HDAC9: variants seen among roughly 807,000 people sequenced by gnomAD.
HDAC9 encodes MEF-2 interacting transcription repressor (MITR) protein.
In HDAC9, 41 loss-of-function variants were observed where a neutral mutation model predicts 139.4. The ratio of observed to expected loss-of-function variants is 0.29; its 90% CI spans 0.23 to 0.38. HDAC9 has a LOEUF of 0.38. Among genes scored for constraint, HDAC9 ranks in the 10% least tolerant of loss-of-function variants. The pLI is 1.00. For missense variants in HDAC9, 1,147 were observed against 1,297.0 expected (o/e 0.88, Z 1.78); for synonymous variants, 517 against 476.2 (o/e 1.09, Z -1.12).
intron 1 of HDAC9, among the ~76,000 whole-genome samples, chr7:18,355,473 TA>T (rs1783183474): frequency 6.6e-6 from 1 of 152,166 alleles, no homozygotes; most frequent in Non-Finnish European, 1.5e-5. Flanking sequence ...AAAATTCTGT[TA>T]AAAATGGGTT....
At chr7:18,282,209 C>G (rs1298413041) in intron 2 of HDAC9, among the ~76,000 whole-genome samples, 1 of 152,146 alleles carries the variant, frequency 6.6e-6, no homozygotes, top group African/African-American at 2.4e-5. Context: ...TTTTGACTGT[C>G]TACAATGTGT....
At chr7:18,707,483 A>G (rs1419282681) in intron 12 of HDAC9, among the ~76,000 whole-genome samples, 1 of 152,206 alleles carries the variant, frequency 6.6e-6, no homozygotes, top group East Asian at 1.9e-4. Context: ...AATATTTATA[A>G]ATATATGCAG....
At chr7:18,323,759 C>A (rs1047914011) in intron 1 of HDAC9, among the ~76,000 whole-genome samples, 3 of 152,162 alleles carry the variant, frequency 2.0e-5, no homozygotes, top group African/African-American at 7.2e-5. Flanking sequence ...TGGGGAATCT[C>A]AGGAAAAGTC....
chr7:18,835,442 G>A (rs370532411), intron 19 of HDAC9, 25 bp from the exon 20 acceptor site: 7 of 1,603,604 alleles, frequency 4.4e-6, no homozygotes, highest in Non-Finnish European at 6.0e-6. Context: ...GACTGTATTT[G>A]TCGTCTGTTT....
At chr7:18,737,503 T>C (rs1237306112) in intron 13 of HDAC9, among the ~76,000 whole-genome samples, 1 of 152,222 alleles carries the variant, frequency 6.6e-6, no homozygotes, top group Non-Finnish European at 1.5e-5. Context: ...CCAGTAGTCA[T>C]TCAGGAGCAG....
At chr7:18,971,260 A>G (rs1784227171) in intron 24 of HDAC9, among the ~76,000 whole-genome samples, 1 of 152,254 alleles carries the variant, frequency 6.6e-6, no homozygotes, top group African/African-American at 2.4e-5. Context: ...GACAATTTAC[A>G]TAGTGGGAAA....
intron 2 of HDAC9, among the ~76,000 whole-genome samples, chr7:18,541,321 C>T (rs936399356): frequency 5.9e-5 from 9 of 151,748 alleles, no homozygotes; most frequent in Admixed American, 2.0e-4. Flanking sequence ...CTTGGCAGCC[C>T]GGTGTGCCAG....
intron 12 of HDAC9, among the ~76,000 whole-genome samples, chr7:18,713,452 G>C (rs549280319): frequency 2.0e-4 from 31 of 152,210 alleles, no homozygotes; most frequent in African/African-American, 5.8e-4. Context: ...ATGTTAATTA[G>C]ATTGATTTAG....
chr7:18,857,113 A>G (rs1408078244), intron 21 of HDAC9, among the ~76,000 whole-genome samples: 1 of 151,928 alleles, frequency 6.6e-6, no homozygotes, highest in African/African-American at 2.4e-5. Flanking sequence ...TCTATGTGTC[A>G]TAGTTTTGGT....
chr7:18,501,182 C>T (rs1214908506), intron 2 of HDAC9, among the ~76,000 whole-genome samples: 2 of 151,880 alleles, frequency 1.3e-5, no homozygotes, highest in Admixed American at 6.6e-5. Flanking sequence ...ATCAAAGTAA[C>T]GAGGGAACAC....
chr7:18,205,544 C>T (rs1212102217), intron 2 of HDAC9, among the ~76,000 whole-genome samples: 4 of 151,870 alleles, frequency 2.6e-5, no homozygotes, highest in Admixed American at 6.6e-5. Context: ...CTGATAGCAC[C>T]GAGGTGACAG....
At chr7:18,728,486 A>G (rs547416960) in intron 13 of HDAC9, among the ~76,000 whole-genome samples, 1 of 152,210 alleles carries the variant, frequency 6.6e-6, no homozygotes, top group Non-Finnish European at 1.5e-5. Context: ...AGTGCTGTAC[A>G]TATATGCGTG....
intron 1 of HDAC9, among the ~76,000 whole-genome samples, chr7:18,136,503 G>C (rs1785429766): frequency 6.6e-6 from 1 of 152,168 alleles, no homozygotes; most frequent in South Asian, 2.1e-4. Flanking sequence ...AAGGGATCCA[G>C]TTTCAGCTTT....
intron 13 of HDAC9, among the ~76,000 whole-genome samples, chr7:18,733,704 TA>T (rs900967818): frequency 2.2e-4 from 33 of 152,078 alleles, no homozygotes; most frequent in African/African-American, 5.3e-4. Flanking sequence ...CACACATATA[TA>T]TTTTTTTGGG....
intron 1 of HDAC9, among the ~76,000 whole-genome samples, chr7:18,406,918 T>C (rs1481512472): frequency 1.3e-5 from 2 of 152,116 alleles, no homozygotes; most frequent in Non-Finnish European, 2.9e-5. Context: ...GTGAGATAGG[T>C]TCCCAGAAAT....
intron 1 of HDAC9, among the ~76,000 whole-genome samples, chr7:18,453,479 G>T (rs1793069460): frequency 6.6e-6 from 1 of 152,122 alleles, no homozygotes; most frequent in Non-Finnish European, 1.5e-5. Context: ...ATTCACAGTA[G>T]CTGCCTAGAG....
In HDAC9 at chr7:18,603,047, T is replaced by A. The variant is rs941287200; in HGVS notation, c.664+9018T>A. On this transcript the variant is annotated intron_variant, in intron 6 of 25. Coordinates refer to ENST00000686413, the MANE Select transcript of HDAC9 (RefSeq NM_178425.4). ...GAACTGTGACTATTTTATCAATATGTAACAAACACCACTTTTATCTTCGAT... is the reference window on the plus strand; with the variant it reads ...GAACTGTGACTATTTTATCAATATGAAACAAACACCACTTTTATCTTCGAT... 2.6e-5 allele frequency among the ~76,000 whole-genome samples: 4 copies of A among 152,106 alleles called. No individual in the cohort carries two copies. In the East Asian group the frequency reaches 5.8e-4, roughly 22 times the overall value.
intron 13 of HDAC9, among the ~76,000 whole-genome samples, chr7:18,732,732 T>G (rs1374942602): frequency 9.6e-6 from 1 of 103,820 alleles, no homozygotes; most frequent in East Asian, 3.3e-4. Flanking sequence ...CACACACACG[T>G]GTATGTGTGC....
intron 2 of HDAC9, among the ~76,000 whole-genome samples, chr7:18,220,787 C>T (rs530781028): frequency 4.6e-5 from 7 of 152,042 alleles, no homozygotes; most frequent in East Asian, 1.9e-4. Flanking sequence ...GGGTCTCTGT[C>T]GTAGCTCAGA....
Sources: gnomAD v4.1 joint callset for allele counts (sites outside exome capture counted in the v4.1 genomes callset) on GRCh38, gnomAD v4.1.1 for gene constraint, MANE v1.5 for transcripts, NCBI Gene and HGNC (gene_info 2026-07-23, HGNC 2026-07-21) for gene names.